PARVB: variants seen among roughly 807,000 people sequenced by gnomAD.
PARVB encodes the protein beta-parvin.
In PARVB, 46 loss-of-function variants were observed where a neutral mutation model predicts 47.0. That is an observed-to-expected ratio of 0.98 (90% CI 0.77 to 1.25). The LOEUF is 1.25. Among genes scored for constraint, PARVB ranks in the 50% most tolerant of loss-of-function variants. The probability of loss-of-function intolerance (pLI) is 0.00; values close to 1 mark genes in which losing one functional copy is unlikely to be tolerated. For synonymous variants in PARVB, 196 were observed against 196.3 expected (o/e 1.00, Z 0.01); for missense variants, 473 against 471.6 (o/e 1.00, Z -0.03).
At chr22:44,050,613 C>G (rs1301331758) in intron 1 of PARVB, among the ~76,000 whole-genome samples, 1 of 152,190 alleles carries the variant, frequency 6.6e-6, no homozygotes, top group East Asian at 1.9e-4. Context: ...GCTGGGACTA[C>G]AGGTGTGAGC....
intron 10 of PARVB, 119 bp downstream of exon 10, chr22:44,151,670 C>A: frequency 1.3e-6 from 1 of 769,370 alleles, no homozygotes; most frequent in Non-Finnish European, 2.3e-6. Flanking sequence ...ACAAGGAACT[C>A]CCGTGGTGCA....
At chr22:44,079,549 C>G (rs1008277551) in intron 1 of PARVB, among the ~76,000 whole-genome samples, 2 of 152,208 alleles carry the variant, frequency 1.3e-5, no homozygotes, top group African/African-American at 4.8e-5. Context: ...GAATCTGACC[C>G]CTTACTCAGC....
intron 1 of PARVB, among the ~76,000 whole-genome samples, chr22:44,090,773 C>G (rs746273571): frequency 5.3e-5 from 8 of 152,226 alleles, no homozygotes; most frequent in Non-Finnish European, 8.8e-5. Flanking sequence ...GGCAGCTGTG[C>G]TGGACGGGAC....
At chr22:44,008,905 C>T (rs934472301) in intron 2 of PARVB, among the ~76,000 whole-genome samples, 11 of 152,116 alleles carry the variant, frequency 7.2e-5, no homozygotes, top group African/African-American at 2.7e-4. Context: ...AGGAGAATGG[C>T]GTGAACCCGG....
chr22:44,038,552 G>T (rs762657928), intron 1 of PARVB, among the ~76,000 whole-genome samples: 2 of 152,248 alleles, frequency 1.3e-5, no homozygotes, highest in Middle Eastern at 6.8e-3. Context: ...AGGCTGAGGT[G>T]GGCGGATCAC....
chr22:44,005,286 T>C (rs1417717827), intron 2 of PARVB, among the ~76,000 whole-genome samples: 1 of 151,116 alleles, frequency 6.6e-6, no homozygotes, highest in East Asian at 1.9e-4. Context: ...TTTTTTTTTT[T>C]TTTTTCTGTA....
chr22:44,070,492 A>G (rs1331867741), intron 1 of PARVB, among the ~76,000 whole-genome samples: 2 of 152,232 alleles, frequency 1.3e-5, no homozygotes, highest in Non-Finnish European at 2.9e-5. Context: ...TGGGACGCAG[A>G]TGAACAAGAT....
intron 12 of PARVB, among the ~76,000 whole-genome samples, chr22:44,167,651 C>G (rs1451953699): frequency 1.3e-5 from 2 of 151,978 alleles, no homozygotes; most frequent in Non-Finnish European, 2.9e-5. Flanking sequence ...CTGGGGTGGA[C>G]TCTTCAGGTC....
rs902521152 is a variant in PARVB, at chr22:44,155,275, G to A, written c.844-2707G>A. On this transcript the variant is annotated intron_variant, in intron 10 of 12. Transcript: ENST00000338758. This position sits in a 1 kb window ranked among gnomAD's most constrained non-coding sequence, Gnocchi z 4.8. ...GAGATCAAGTGGGCAGGGCTCGGCA[G>A]GGGTTAGCACTGCGGATGAGGAGGC... is the stretch of plus-strand genomic sequence containing the variant. Among the ~76,000 whole-genome samples the A allele has an allele frequency of 1.3e-5, 2 of 152,178 alleles. No individual in the cohort carries two copies. The highest frequency in any genetic ancestry group is 4.8e-5 in the African/African-American group (2 of 41,434).
At chr22:44,037,151 G>A (rs1259983041) in intron 1 of PARVB, among the ~76,000 whole-genome samples, 4 of 151,864 alleles carry the variant, frequency 2.6e-5, no homozygotes, top group East Asian at 1.9e-4. Flanking sequence ...GTGAGACCTC[G>A]TCTCTGCAAA....
At chr22:44,146,907 T>C (rs1229346804) in intron 8 of PARVB, 2 of 152,382 alleles carry the variant, frequency 1.3e-5, no homozygotes, top group South Asian at 2.1e-4. Context: ...AGGATGGAAG[T>C]TGGGGGGCCC....
intron 10 of PARVB, among the ~76,000 whole-genome samples, chr22:44,156,378 A>C (rs141867776): frequency 0.048 from 7,031 of 147,758 alleles, 498 homozygotes; most frequent in African/African-American, 0.16. Flanking sequence ...CTTCCGGGTT[A>C]AAGCGATTCT....
intron 11 of PARVB, 142 bp downstream of exon 11, chr22:44,158,225 A>G (rs942790711): frequency 3.3e-6 from 2 of 607,630 alleles, no homozygotes; most frequent in African/African-American, 3.7e-5. Context: ...TTGCAATTAG[A>G]TGTAACTCTC....
chr22:44,004,598 A>G (rs918404965), intron 2 of PARVB, among the ~76,000 whole-genome samples: 9 of 152,212 alleles, frequency 5.9e-5, no homozygotes, highest in African/African-American at 2.2e-4. Flanking sequence ...CTCTCAAGAT[A>G]TAAGAAATGT....
rs1378050453 is a variant in PARVB, at chr22:44,125,173, A to G, written c.376+6033A>G. On this transcript the variant is annotated intron_variant, in intron 4 of 12. Coordinates refer to ENST00000338758, the MANE Select transcript of PARVB (RefSeq NM_013327.5). The surrounding 1 kb of genome is among the most constrained non-coding windows in gnomAD (Gnocchi z 4.1). ...CTTATTCATCTGGCCCTCAGAAAGTATATTTGGAGGGAAACATGTCTGTGT... is the reference window on the plus strand; with the variant it reads ...CTTATTCATCTGGCCCTCAGAAAGTGTATTTGGAGGGAAACATGTCTGTGT... 6.6e-6 allele frequency among the ~76,000 whole-genome samples: 1 copy of G among 152,110 alleles called. No individual in the cohort carries two copies. The highest frequency in any genetic ancestry group is 1.5e-5 in the Non-Finnish European group (1 of 68,010).
At chr22:44,018,467 C>T (rs1225383630) in intron 2 of PARVB, among the ~76,000 whole-genome samples, 1 of 152,180 alleles carries the variant, frequency 6.6e-6, no homozygotes, top group Non-Finnish European at 1.5e-5. Context: ...TGGTTAGTGA[C>T]ATCCAAGGCA....
chr22:44,051,635 A>G (rs1423012299), intron 1 of PARVB, among the ~76,000 whole-genome samples: 1 of 152,142 alleles, frequency 6.6e-6, no homozygotes, highest in Non-Finnish European at 1.5e-5. Context: ...GTTTGTGTCA[A>G]TGAGGGGAGA....
intron 10 of PARVB, among the ~76,000 whole-genome samples, chr22:44,154,702 G>GGTGT (rs144027688): frequency 6.7e-6 from 1 of 148,982 alleles, no homozygotes; most frequent in African/African-American, 2.5e-5. Context: ...TTGTCTGTGT[G>GGTGT]GTGTGTGTGT....
Position 44,161,308 on chromosome 22 carries a change from CT to C in PARVB, c.946-2534del, listed in dbSNP as rs769442547. Among the ~76,000 whole-genome samples, 218 of 128,668 alleles carry C rather than the reference CT, an allele frequency of 1.7e-3. 1 individual carries two copies. The East Asian group carries it at 0.02, about 12-fold the overall frequency. The allele number at this position is 128,668 out of a possible 152,430, so 84.4% of individuals were successfully genotyped here. A position where few individuals can be genotyped will look rare whatever the true frequency, so the allele number is the denominator to read the frequency against. On this transcript the variant is annotated intron_variant, in intron 11 of 12. Transcript: ENST00000338758. ...GAGCCCCGTGCCTTGTTTTTCTTTTCTTTTTTTTTTTTTTTTGGAGGCGGGG... is the reference window on the plus strand; with the variant it reads ...GAGCCCCGTGCCTTGTTTTTCTTTTCTTTTTTTTTTTTTTTGGAGGCGGGG...
Sources: gnomAD v4.1 joint callset for allele counts (sites outside exome capture counted in the v4.1 genomes callset) on GRCh38, gnomAD v4.1.1 for gene constraint, Gnocchi (gnomAD v3.1) non-coding constraint, MANE v1.5 for transcripts, NCBI Gene and HGNC (gene_info 2026-07-23, HGNC 2026-07-21) for gene names.